MAP3K19: variants seen among roughly 807,000 people sequenced by gnomAD.
The protein encoded by MAP3K19 is SPS1/STE20-related protein kinase YSK4.
In MAP3K19, 91 loss-of-function variants were observed where a neutral mutation model predicts 114.4. That is an observed-to-expected ratio of 0.80 (90% CI 0.67 to 0.95). MAP3K19 has a LOEUF of 0.95. Among genes scored for constraint, MAP3K19 ranks in the 40% least tolerant of loss-of-function variants. MAP3K19 has a pLI of 0.00. For synonymous variants in MAP3K19, 518 were observed against 530.5 expected, an observed-to-expected ratio of 0.98 and a Z score of 0.32; for missense variants, 1,471 against 1,573.2, an observed-to-expected ratio of 0.94 and a Z score of 1.10.
chr2:134,993,527 C>T (rs1381325900), intron 8 of MAP3K19, among the ~76,000 whole-genome samples: 4 of 152,162 alleles, frequency 2.6e-5, no homozygotes, highest in African/African-American at 4.8e-5. Flanking sequence ...TTGCTCTTTG[C>T]TCCCAGAGGT....
chr2:134,987,489 G>T lies in MAP3K19; in HGVS notation c.1383C>A (p.Ser461Arg), dbSNP rs375788839. The T allele has an allele frequency of 1.9e-5, 30 of 1,614,024 alleles. No homozygotes were observed. In the South Asian group the frequency reaches 3.0e-4, roughly 16 times the overall value. ...PIDKLPEGCSSMETNIKISIA... is the reference protein window; with the variant it reads ...PIDKLPEGCSRMETNIKISIA... ...TTGATATTTTTATGTTTGTCTCCAT[G>T]CTGCTACAACCTTCTGGGAGTTTAT... Residue 461 changes from serine to arginine, a missense_variant, in exon 10 of 13, where the codon AGC becomes AGA. Physicochemically the swap from Ser to Arg is moderately radical, Grantham distance 110. Coordinates refer to ENST00000392915, the MANE Select transcript of MAP3K19 (RefSeq NM_025052.5).
At chr2:134,989,342 G>A (rs1465309792) in intron 9 of MAP3K19, among the ~76,000 whole-genome samples, 1 of 152,144 alleles carries the variant, frequency 6.6e-6, no homozygotes, top group African/African-American at 2.4e-5. Flanking sequence ...TGGGTCATGG[G>A]TAGTAATTGA....
At chr2:134,970,504 T>G (rs1158215339) in intron 12 of MAP3K19, among the ~76,000 whole-genome samples, 2 of 152,094 alleles carry the variant, frequency 1.3e-5, no homozygotes, top group South Asian at 2.1e-4. Flanking sequence ...ATCTAAGAGT[T>G]TTTTGGTGGA....
At chr2:134,992,094 T>A (rs2105260745) in intron 8 of MAP3K19, among the ~76,000 whole-genome samples, 1 of 152,312 alleles carries the variant, frequency 6.6e-6, no homozygotes, top group Admixed American at 6.5e-5. Flanking sequence ...CTCTATGTTT[T>A]ATTACCCTAG....
intron 12 of MAP3K19, among the ~76,000 whole-genome samples, chr2:134,969,136 T>C (rs1028927047): frequency 6.6e-6 from 1 of 151,866 alleles, no homozygotes; most frequent in Non-Finnish European, 1.5e-5. Flanking sequence ...TCACTCGCGG[T>C]TAGGAGCTGG....
chr2:134,982,192 C>T (rs965290766), intron 11 of MAP3K19, among the ~76,000 whole-genome samples: 1 of 139,782 alleles, frequency 7.2e-6, no homozygotes, highest in African/African-American at 2.7e-5. Context: ...GATCATATCT[C>T]ACTGCAGCCT....
intron 6 of MAP3K19, among the ~76,000 whole-genome samples, chr2:135,003,778 T>G (rs1686618382): frequency 6.6e-6 from 1 of 152,228 alleles, no homozygotes. Context: ...GGTCTTGAAC[T>G]CCTGACCTCA....
chr2:135,043,635 T>C (rs1440608267), intron 1 of MAP3K19, among the ~76,000 whole-genome samples: 1 of 152,158 alleles, frequency 6.6e-6, no homozygotes, highest in Non-Finnish European at 1.5e-5. Context: ...TAGTGTAAAT[T>C]AGGGTTCACT....
intron 12 of MAP3K19, among the ~76,000 whole-genome samples, chr2:134,977,014 C>T (rs1417042720): frequency 6.7e-6 from 1 of 149,650 alleles, no homozygotes; most frequent in Non-Finnish European, 1.5e-5. Context: ...CCACCGCATT[C>T]CAGCCTGGGT....
At chr2:135,020,121 G>T (rs1054358801) in intron 5 of MAP3K19, among the ~76,000 whole-genome samples, 1 of 151,670 alleles carries the variant, frequency 6.6e-6, no homozygotes, top group Admixed American at 6.6e-5. Context: ...TGGTTCAAGC[G>T]ATCCTCCTGC....
At chr2:135,035,707 AATGGCTTTGCATGCCTTT>A (rs1688510658) in intron 2 of MAP3K19, among the ~76,000 whole-genome samples, 2 of 152,168 alleles carry the variant, frequency 1.3e-5, no homozygotes, top group Non-Finnish European at 2.9e-5. Flanking sequence ...TGTTTTTGAA[AATGGCTTTGCATGCCTTT>A]ATGGCTTTGC....
chr2:135,012,121 GACA>G (rs1032114470), intron 5 of MAP3K19, among the ~76,000 whole-genome samples: 7 of 152,074 alleles, frequency 4.6e-5, no homozygotes, highest in African/African-American at 1.7e-4. Flanking sequence ...TCAATATTGT[GACA>G]ACATGTAGCA....
intron 6 of MAP3K19, among the ~76,000 whole-genome samples, chr2:135,004,802 A>T (rs772103600): frequency 2.0e-5 from 3 of 152,072 alleles, no homozygotes; most frequent in Admixed American, 2.0e-4. Context: ...AAAGACCGAG[A>T]CTTGGGGACT....
intron 3 of MAP3K19, among the ~76,000 whole-genome samples, chr2:135,025,688 C>G (rs770459273): frequency 3.3e-5 from 5 of 152,140 alleles, no homozygotes; most frequent in African/African-American, 1.2e-4. Flanking sequence ...GCCCAGCCCC[C>G]ACATGGCCTT....
chr2:135,019,953 A>G (rs777551433), intron 5 of MAP3K19, among the ~76,000 whole-genome samples: 4 of 152,142 alleles, frequency 2.6e-5, no homozygotes, highest in Non-Finnish European at 5.9e-5. Flanking sequence ...CAGGGCCACG[A>G]GGAGGCACCT....
chr2:135,029,184 A>C (rs1179610109), intron 3 of MAP3K19, among the ~76,000 whole-genome samples: 3 of 152,326 alleles, frequency 2.0e-5, no homozygotes, highest in Admixed American at 6.5e-5. Context: ...CAACCTGGCT[A>C]ACATGGTGAA....
rs763286740 is a variant in MAP3K19, at chr2:134,985,976, T to C, written c.2896A>G (p.Thr966Ala). ...GCTAGACAACCTAATAGTTCATCTG[T>C]CAATTCTTCATTATTTACAGAGTCC... The part of the protein sequence containing the change: ...IMDSVNNEEL[T>A]DELLGCLAAE... Residue 966 changes from threonine to alanine, a missense_variant, in exon 10 of 13, where the codon ACA becomes GCA. Transcript: ENST00000392915. 7 of 1,613,762 alleles carry C rather than the reference T, an allele frequency of 4.3e-6. No individual in the cohort carries two copies. The highest frequency in any genetic ancestry group is 4.5e-5 in the East Asian group (2 of 44,886).
intron 9 of MAP3K19, among the ~76,000 whole-genome samples, chr2:134,988,457 C>A (rs539961720): frequency 1.3e-4 from 20 of 152,250 alleles, no homozygotes; most frequent in African/African-American, 4.8e-4. Context: ...GTGGCATAAT[C>A]ACAGCTCATT....
intron 5 of MAP3K19, among the ~76,000 whole-genome samples, chr2:135,006,613 C>T (rs576491687): frequency 6.6e-6 from 1 of 151,144 alleles, no homozygotes; most frequent in East Asian, 2.0e-4. Context: ...AGTTCGAGAC[C>T]AGCCTGGGCA....
Sources: gnomAD v4.1 joint callset for allele counts (sites outside exome capture counted in the v4.1 genomes callset) on GRCh38, gnomAD v4.1.1 for gene constraint, MANE v1.5 for transcripts, NCBI Gene and HGNC (gene_info 2026-07-23, HGNC 2026-07-21) for gene names.